The following CHD2 variants were observed in gnomAD, a reference collection of about 807,000 sequenced individuals.
The protein encoded by CHD2 is chromodomain helicase DNA binding protein 2.
A neutral mutation model predicts 243.9 loss-of-function variants in CHD2; 28 were observed. The ratio of observed to expected loss-of-function variants is 0.11; its 90% CI spans 0.09 to 0.16. The LOEUF is 0.16. Among genes scored for constraint, CHD2 ranks in the 10% least tolerant of loss-of-function variants. The pLI is 1.00. For synonymous variants in CHD2, 775 were observed against 779.0 expected, an observed-to-expected ratio of 0.99 and a Z score of 0.09; for missense variants, 1,386 against 2,209.8, an observed-to-expected ratio of 0.63 and a Z score of 7.47.
intron 16 of CHD2, among the ~76,000 whole-genome samples, chr15:92,960,413 T>A (rs2053669260): frequency 6.6e-6 from 1 of 152,208 alleles, no homozygotes; most frequent in Admixed American, 6.5e-5. Flanking sequence ...AGATGTTTTT[T>A]GTAGATAACC....
chr15:92,984,613 G>A lies in CHD2; in HGVS notation c.3237+113G>A, dbSNP rs2272458. 752,214 of 1,000,198 alleles carry A rather than the reference G, an allele frequency of 0.75. 286,094 individuals are homozygous for A. The highest frequency in any genetic ancestry group is 1 in the East Asian group (34,316 of 34,448). The allele number at this position is 1,000,198 out of a possible 1,614,324, so 62.0% of individuals were successfully genotyped here. ...TTGTTCCCCTGACACAGAGGCTTCA[G>A]GAGCAGAGTTGATACTGTAGGAAAC... is the stretch of plus-strand genomic sequence containing the variant. On this transcript the variant is annotated intron_variant, in intron 25 of 38. Coordinates refer to ENST00000394196, the MANE Select transcript of CHD2 (RefSeq NM_001271.4).
chr15:93,001,026 G>A (rs939252235), intron 32 of CHD2, among the ~76,000 whole-genome samples: 6 of 151,974 alleles, frequency 3.9e-5, no homozygotes, highest in East Asian at 1.9e-4. Flanking sequence ...CTGCCACCAC[G>A]CCAGGCTCAT....
rs756273030 is a variant in CHD2, at chr15:93,014,713, C to T, written c.4710C>T (p.Asp1570=). ...CTCTTTAGGAGCAAAAGAAGAAAGA[C>T]GACGTGACTGGGGGTAAGAAACCAT... ...SQEEEEQKKK[D]DVTGGKKPFR... Residue 1570 remains aspartate, a synonymous_variant, in exon 37 of 39, where the codon GAC becomes GAT. Coordinates refer to ENST00000394196, the MANE Select transcript of CHD2 (RefSeq NM_001271.4). 58 of 1,614,056 alleles carry T rather than the reference C, an allele frequency of 3.6e-5. No individual in the cohort carries two copies. Among genetic ancestry groups the T allele is most frequent in the South Asian group, 1.2e-4 (11 of 91,062 alleles).
intron 31 of CHD2, among the ~76,000 whole-genome samples, chr15:92,999,599 GTAT>G (rs1221692211): frequency 4.0e-5 from 6 of 151,658 alleles, no homozygotes; most frequent in Admixed American, 3.9e-4. Context: ...TGATTTCCCT[GTAT>G]TATTATAAGC....
intron 1 of CHD2, 106 bp downstream of exon 1, chr15:92,900,930 ATTG>A (rs970637546): frequency 1.2e-5 from 5 of 428,078 alleles, no homozygotes; most frequent in Admixed American, 4.3e-5. Context: ...AGATACAGAG[ATTG>A]TTATTTGTAT....
intron 16 of CHD2, among the ~76,000 whole-genome samples, chr15:92,963,531 G>GA (rs912593185): frequency 2.0e-5 from 3 of 151,928 alleles, no homozygotes; most frequent in Non-Finnish European, 2.9e-5. Flanking sequence ...ATAGAAAAGA[G>GA]AAAAAAAATA....
chr15:92,975,286 C>T (rs1388816362), intron 20 of CHD2, among the ~76,000 whole-genome samples: 1 of 152,132 alleles, frequency 6.6e-6, no homozygotes, highest in Non-Finnish European at 1.5e-5. Flanking sequence ...GATCTCTGTA[C>T]TCTTTTGGTG....
At chr15:93,008,348 A>G (rs988935720) in intron 34 of CHD2, among the ~76,000 whole-genome samples, 1 of 152,124 alleles carries the variant, frequency 6.6e-6, no homozygotes. Flanking sequence ...ATAAGTCTTT[A>G]TATTTGCTGC....
chr15:92,950,373 C>A (rs1010841078), intron 13 of CHD2: 1 of 152,146 alleles, frequency 6.6e-6, no homozygotes. Flanking sequence ...CATTAGTCCT[C>A]GAGAATTTAA....
At position 92,998,793 on chromosome 15, in the gene CHD2, GTTCA is replaced by G. The variant is rs1455364228; in HGVS notation, c.4008+175_4008+178del. ...TGCTTTGCTTGGTAATAATAGAAAT[GTTCA>G]TTTAGGCCTGGCGCAGTGGCTCATG... On this transcript the variant is annotated intron_variant, in intron 31 of 38. Coordinates refer to ENST00000394196, the MANE Select transcript of CHD2 (RefSeq NM_001271.4). This position sits in a 1 kb window ranked among gnomAD's most constrained non-coding sequence, Gnocchi z 5.1. 3.3e-5 allele frequency among the ~76,000 whole-genome samples: 5 copies of G among 152,162 alleles called. No individual in the cohort carries two copies. Among genetic ancestry groups the G allele is most frequent in the Admixed American group, 6.5e-5 (1 of 15,272 alleles).
chr15:93,023,707 T>G (rs1170951444), intron 38 of CHD2, among the ~76,000 whole-genome samples: 1 of 151,722 alleles, frequency 6.6e-6, no homozygotes, highest in African/African-American at 2.4e-5. Flanking sequence ...TATCTCCATC[T>G]TCGTGGGTGT....
intron 2 of CHD2, among the ~76,000 whole-genome samples, chr15:92,912,780 A>C (rs4777751): frequency 0.94 from 141,885 of 151,430 alleles, 66,748 homozygotes; most frequent in Non-Finnish European, 1. Flanking sequence ...GTGATCCGCC[A>C]ACCTTGTGAT....
intron 37 of CHD2, among the ~76,000 whole-genome samples, chr15:93,015,608 A>C (rs1021306251): frequency 1.5e-4 from 23 of 149,988 alleles, no homozygotes; most frequent in African/African-American, 5.1e-4. Context: ...CCAACCGTAC[A>C]TCTGATAAGG....
At chr15:92,924,232 GCAAATGTTTTAC>G in intron 2 of CHD2, 77 bp from the exon 3 acceptor site, 2 of 1,113,528 alleles carry the variant, frequency 1.8e-6, no homozygotes, top group South Asian at 2.7e-5. Flanking sequence ...ATTACTATCT[GCAAATGTTTTAC>G]CATGAGAATT....
At chr15:92,949,116 C>T (rs1487177752) in intron 13 of CHD2, 40 bp downstream of exon 13, 1 of 1,592,972 alleles carries the variant, frequency 6.3e-7, no homozygotes, top group African/African-American at 1.4e-5. Flanking sequence ...CTTACTGTTT[C>T]TGGCTTCTTT....
At chr15:92,990,698 C>T (rs542514140) in intron 26 of CHD2, among the ~76,000 whole-genome samples, 1 of 152,312 alleles carries the variant, frequency 6.6e-6, no homozygotes, top group Non-Finnish European at 1.5e-5. Context: ...CTTCTCATTT[C>T]CATTTTTCCC....
At chr15:92,963,180 T>A (rs1459308506) in intron 16 of CHD2, among the ~76,000 whole-genome samples, 3 of 152,228 alleles carry the variant, frequency 2.0e-5, no homozygotes, top group Admixed American at 6.5e-5. Flanking sequence ...TTTAACAGAA[T>A]TAATAATATG....
intron 23 of CHD2, among the ~76,000 whole-genome samples, 187 bp downstream of exon 23, chr15:92,981,098 A>T (rs1473547918): frequency 3.9e-5 from 6 of 152,226 alleles, no homozygotes; most frequent in Admixed American, 3.9e-4. Context: ...TTAATAAAGC[A>T]TTCGAGTATA....
intron 3 of CHD2, among the ~76,000 whole-genome samples, chr15:92,926,209 G>A (rs576389093): frequency 1.3e-5 from 2 of 152,276 alleles, no homozygotes; most frequent in East Asian, 3.9e-4. Context: ...CTGAACTCAA[G>A]CCATTCTTCT....
Sources: gnomAD v4.1 joint callset for allele counts (sites outside exome capture counted in the v4.1 genomes callset) on GRCh38, gnomAD v4.1.1 for gene constraint, Gnocchi (gnomAD v3.1) non-coding constraint, MANE v1.5 for transcripts, NCBI Gene and HGNC (gene_info 2026-07-23, HGNC 2026-07-21) for gene names.